The following CFDP1 variants were observed in gnomAD, a reference collection of about 807,000 sequenced individuals.
CFDP1 encodes heterochromatin-stabilizing protein CFDP1.
Under a neutral mutation model 40.1 loss-of-function variants are expected in CFDP1, and 31 were observed. That is an observed-to-expected ratio of 0.77 (90% CI 0.58 to 1.04). The LOEUF is 1.04. CFDP1 is among the 50% of genes least tolerant of loss of function. The pLI, the probability that CFDP1 is intolerant of heterozygous loss-of-function variation, is 0.00. For synonymous variants in CFDP1, 167 were observed against 120.0 expected, an observed-to-expected ratio of 1.39 and a Z score of -2.56; for missense variants, 423 against 343.4, an observed-to-expected ratio of 1.23 and a Z score of -1.83.
At chr16:75,337,244 G>GGA (rs1410148191) in intron 5 of CFDP1, among the ~76,000 whole-genome samples, 2 of 152,118 alleles carry the variant, frequency 1.3e-5, no homozygotes, top group African/African-American at 4.8e-5. Flanking sequence ...GATGACACTG[G>GGA]GAGAGGGAGC....
At chr16:75,346,134 T>C (rs11863552) in intron 5 of CFDP1, among the ~76,000 whole-genome samples, 3,352 of 152,308 alleles carry the variant, frequency 0.022, 70 homozygotes, top group African/African-American at 0.053. Flanking sequence ...ATCCTCAGTG[T>C]TTACTAGCAC....
At chr16:75,361,155 A>C (rs1199909921) in intron 5 of CFDP1, among the ~76,000 whole-genome samples, 4 of 152,132 alleles carry the variant, frequency 2.6e-5, no homozygotes, top group African/African-American at 9.6e-5. Context: ...GAATACAGGC[A>C]CGCACCACCA....
chr16:75,375,563 G>A (rs1365617979), intron 5 of CFDP1, among the ~76,000 whole-genome samples: 1 of 152,074 alleles, frequency 6.6e-6, no homozygotes, highest in Non-Finnish European at 1.5e-5. Context: ...AGGCCGAGGC[G>A]GGTGGATCAC....
At chr16:75,340,608 T>A (rs1432667938) in intron 5 of CFDP1, among the ~76,000 whole-genome samples, 1 of 152,220 alleles carries the variant, frequency 6.6e-6, no homozygotes, top group Non-Finnish European at 1.5e-5. Context: ...ATTAAGGTTC[T>A]GCAATAAGAG....
chr16:75,332,003 T>G (rs1025211120), intron 5 of CFDP1, among the ~76,000 whole-genome samples: 4 of 152,230 alleles, frequency 2.6e-5, no homozygotes, highest in Non-Finnish European at 4.4e-5. Context: ...TGTTTCATTT[T>G]AGTCTTTTCA....
At chr16:75,407,771 T>C (rs1567675835) in intron 4 of CFDP1, among the ~76,000 whole-genome samples, 1 of 152,042 alleles carries the variant, frequency 6.6e-6, no homozygotes, top group Non-Finnish European at 1.5e-5. Context: ...GGATAAATCA[T>C]TGAAAATGGC....
chr16:75,370,088 T>C (rs1037842870), intron 5 of CFDP1, among the ~76,000 whole-genome samples: 2 of 151,196 alleles, frequency 1.3e-5, no homozygotes, highest in Non-Finnish European at 2.9e-5. Flanking sequence ...TTTTTTCTAT[T>C]ATTTATTACT....
At chr16:75,363,554 C>G (rs2078694245) in intron 5 of CFDP1, among the ~76,000 whole-genome samples, 1 of 152,012 alleles carries the variant, frequency 6.6e-6, no homozygotes, top group African/African-American at 2.4e-5. Context: ...CGCCATCACA[C>G]CCAGCTAATT....
intron 5 of CFDP1, among the ~76,000 whole-genome samples, chr16:75,342,881 C>T (rs2078536395): frequency 6.6e-6 from 1 of 152,120 alleles, no homozygotes; most frequent in East Asian, 1.9e-4. Context: ...AGGGATGCTG[C>T]TAAACATGCT....
intron 5 of CFDP1, among the ~76,000 whole-genome samples, chr16:75,328,412 C>T (rs2078419383): frequency 6.8e-6 from 1 of 147,504 alleles, no homozygotes; most frequent in Non-Finnish European, 1.5e-5. Flanking sequence ...TGGTGAAACC[C>T]CGTCTCATCG....
intron 1 of CFDP1, among the ~76,000 whole-genome samples, 177 bp downstream of exon 1, chr16:75,433,112 G>T (rs1348583239): frequency 6.6e-6 from 1 of 152,204 alleles, no homozygotes; most frequent in Admixed American, 6.5e-5. Context: ...ACCGCCACGC[G>T]CACACGCCTC....
chr16:75,343,734 C>G (rs780613146), intron 5 of CFDP1, among the ~76,000 whole-genome samples: 2 of 152,190 alleles, frequency 1.3e-5, no homozygotes, highest in Non-Finnish European at 2.9e-5. Context: ...TATCCTAGCA[C>G]TGACTAGCCC....
intron 5 of CFDP1, among the ~76,000 whole-genome samples, chr16:75,370,427 G>A (rs2078743640): frequency 6.6e-6 from 1 of 152,096 alleles, no homozygotes; most frequent in African/African-American, 2.4e-5. Flanking sequence ...TGTGGAGGGA[G>A]GAATAGCATT....
At chr16:75,416,855 T>C (rs2079212285) in intron 1 of CFDP1, among the ~76,000 whole-genome samples, 1 of 131,928 alleles carries the variant, frequency 7.6e-6, no homozygotes, top group East Asian at 2.2e-4. Context: ...AAACAATCAA[T>C]ATCCAAAATG....
chr16:75,396,543 A>G (rs2078996215), intron 4 of CFDP1, among the ~76,000 whole-genome samples: 1 of 103,590 alleles, frequency 9.7e-6, no homozygotes, highest in African/African-American at 2.9e-5. Context: ...TGTCTCAAAA[A>G]TAAATAAATA....
Position 75,305,048 on chromosome 16 carries a change from G to A in CFDP1, c.785C>T (p.Ala262Val). 1 of 1,613,972 alleles carries A rather than the reference G, an allele frequency of 6.2e-7. No homozygotes were observed. The highest frequency in any genetic ancestry group is 1.1e-5 in the South Asian group (1 of 91,062). ...CCCCTCTTTCCCTCGATTATGGATG[G>A]CCAGTTCTTCACCAATCCCCTCTTC... is the stretch of plus-strand genomic sequence containing the variant. ...KEEEGIGEEL[A>V]IHNRGKEGYI... The change falls in exon 6 of 7, where the codon GCC becomes GTC. Residue 262 changes from alanine to valine, a missense_variant. Transcript: ENST00000283882.
intron 1 of CFDP1, among the ~76,000 whole-genome samples, chr16:75,421,307 G>C (rs1322780214): frequency 6.6e-6 from 1 of 152,076 alleles, no homozygotes; most frequent in Non-Finnish European, 1.5e-5. Flanking sequence ...AATTGTCTGT[G>C]AGCCTAAATT....
intron 5 of CFDP1, among the ~76,000 whole-genome samples, chr16:75,370,156 A>G (rs12922897): frequency 0.75 from 113,290 of 150,788 alleles, 42,589 homozygotes; most frequent in Middle Eastern, 0.79. Context: ...GCAATGGTGT[A>G]ATCTTGGCTC....
intron 5 of CFDP1, among the ~76,000 whole-genome samples, chr16:75,374,501 G>C (rs2078777197): frequency 6.6e-6 from 1 of 151,566 alleles, no homozygotes; most frequent in Non-Finnish European, 1.5e-5. Flanking sequence ...TTAGGGAAAG[G>C]TCTAGGACAG....
Sources: allele counts gnomAD v4.1 joint callset (sites outside exome capture counted in the v4.1 genomes callset), GRCh38; gene constraint gnomAD v4.1.1; transcripts MANE v1.5; gene names NCBI Gene and HGNC (gene_info 2026-07-23, HGNC 2026-07-21).